The following DLGAP2 variants were observed in gnomAD, a reference collection of about 807,000 sequenced individuals.
DLGAP2 encodes the protein disks large-associated protein 2.
In DLGAP2, 26 loss-of-function variants were observed where a neutral mutation model predicts 100.3. The observed-to-expected ratio is 0.26, with a 90% CI of 0.19 to 0.36. The LOEUF (loss-of-function observed/expected upper bound fraction) is 0.36. DLGAP2 is among the 10% of genes least tolerant of loss of function. DLGAP2 has a pLI of 1.00. For synonymous variants in DLGAP2, 886 were observed against 630.1 expected, an observed-to-expected ratio of 1.41 and a Z score of -6.08; for missense variants, 1,858 against 1,453.2, an observed-to-expected ratio of 1.28 and a Z score of -4.53.
At chr8:1,676,483 C>A in intron 10 of DLGAP2, 50 bp from the exon 11 acceptor site, 1 of 1,562,316 alleles carries the variant, frequency 6.4e-7, no homozygotes, top group Non-Finnish European at 8.7e-7. Flanking sequence ...TAGTCCCTTG[C>A]CCAGGCCCCA....
At chr8:1,104,676 C>T (rs929130151) in intron 2 of DLGAP2, among the ~76,000 whole-genome samples, 4 of 152,098 alleles carry the variant, frequency 2.6e-5, no homozygotes, top group South Asian at 2.1e-4. Flanking sequence ...AAGAAGCTGT[C>T]GCTCCCTGGG....
chr8:806,049 G>A (rs1319744746), intron 1 of DLGAP2, among the ~76,000 whole-genome samples: 1 of 152,166 alleles, frequency 6.6e-6, no homozygotes, highest in Non-Finnish European at 1.5e-5. Flanking sequence ...TTTACAGAGA[G>A]TTTTTGCCAA....
chr8:899,154 C>T (rs1471164948), intron 1 of DLGAP2, among the ~76,000 whole-genome samples: 2 of 152,214 alleles, frequency 1.3e-5, no homozygotes, highest in African/African-American at 2.4e-5. Context: ...CGCCGCATCT[C>T]CAGCCCCTGG....
chr8:1,581,247 T>C (rs1213627534), intron 6 of DLGAP2, among the ~76,000 whole-genome samples: 2 of 146,524 alleles, frequency 1.4e-5, no homozygotes, highest in Non-Finnish European at 3.0e-5. Context: ...CCCGCACATA[T>C]ATGCACCACA....
chr8:1,484,523 A>G (rs1799188863), intron 3 of DLGAP2, among the ~76,000 whole-genome samples: 2 of 152,206 alleles, frequency 1.3e-5, no homozygotes, highest in Non-Finnish European at 2.9e-5. Context: ...TGTTTTGATC[A>G]CGACGGCTGA....
chr8:965,526 C>T (rs10093299), intron 2 of DLGAP2, among the ~76,000 whole-genome samples: 1,190 of 125,218 alleles, frequency 9.5e-3, no homozygotes, highest in Middle Eastern at 0.018. Context: ...CCCTGCGCTG[C>T]ACACGGCACT....
intron 4 of DLGAP2, among the ~76,000 whole-genome samples, chr8:1,542,185 A>G (rs987166097): frequency 1.3e-5 from 2 of 152,206 alleles, no homozygotes; most frequent in Non-Finnish European, 2.9e-5. Context: ...TCTATATTCA[A>G]TTTTGAGTTT....
intron 1 of DLGAP2, among the ~76,000 whole-genome samples, chr8:904,738 A>G (rs900308628): frequency 1.3e-5 from 2 of 152,122 alleles, no homozygotes; most frequent in Admixed American, 6.5e-5. Flanking sequence ...CGCTGAGTAT[A>G]TTTTGTGGCC....
At chr8:1,562,582 T>G in intron 5 of DLGAP2, among the ~76,000 whole-genome samples, 2 of 40,652 alleles carry the variant, frequency 4.9e-5, no homozygotes, top group African/African-American at 2.0e-4. Flanking sequence ...TGGTGGACTG[T>G]GTGGTGTTGG....
intron 3 of DLGAP2, among the ~76,000 whole-genome samples, chr8:1,478,789 G>A (rs572433381): frequency 5.3e-5 from 8 of 152,300 alleles, no homozygotes; most frequent in African/African-American, 1.7e-4. Flanking sequence ...TGGGAATGCC[G>A]GAAGGCTTGT....
intron 3 of DLGAP2, among the ~76,000 whole-genome samples, chr8:1,319,014 G>T (rs1800833756): frequency 6.6e-6 from 1 of 152,138 alleles, no homozygotes; most frequent in African/African-American, 2.4e-5. Context: ...TTTAGGTGGT[G>T]TATCAGTGCG....
At chr8:786,550 C>G (rs561348570) in intron 1 of DLGAP2, among the ~76,000 whole-genome samples, 80 of 152,290 alleles carry the variant, frequency 5.3e-4, no homozygotes, top group Admixed American at 1.5e-3. Flanking sequence ...TGCGCGGCCA[C>G]AGAGAGGTGA....
chr8:1,076,864 C>T (rs1253093455), intron 2 of DLGAP2, among the ~76,000 whole-genome samples: 1 of 147,922 alleles, frequency 6.8e-6, no homozygotes, highest in South Asian at 2.3e-4. Context: ...CTGTCCTGGG[C>T]CCCCCCAATA....
At chr8:1,201,942 G>A (rs1797884483) in intron 2 of DLGAP2, among the ~76,000 whole-genome samples, 1 of 146,376 alleles carries the variant, frequency 6.8e-6, no homozygotes, top group Non-Finnish European at 1.5e-5. Flanking sequence ...TGTGTGATGT[G>A]TGTATGTGTA....
chr8:1,414,550 G>A (rs1248544311), intron 3 of DLGAP2, among the ~76,000 whole-genome samples: 4 of 152,212 alleles, frequency 2.6e-5, no homozygotes, highest in African/African-American at 4.8e-5. Context: ...CGGGCTGTGG[G>A]TCCCAGTGCA....
At chr8:1,289,974 T>C (rs969122419) in intron 3 of DLGAP2, among the ~76,000 whole-genome samples, 1 of 152,154 alleles carries the variant, frequency 6.6e-6, no homozygotes, top group African/African-American at 2.4e-5. Context: ...GGATAAGATA[T>C]AGGCAGAAAG....
chr8:759,042 T>C (rs1820994429), intron 1 of DLGAP2, among the ~76,000 whole-genome samples: 1 of 149,346 alleles, frequency 6.7e-6, no homozygotes, highest in African/African-American at 2.4e-5. Flanking sequence ...CTTCCCATTA[T>C]CAATACCCCC....
At chr8:854,412 C>T (rs1797237969) in intron 1 of DLGAP2, among the ~76,000 whole-genome samples, 1 of 152,066 alleles carries the variant, frequency 6.6e-6, no homozygotes. Context: ...TACCTGAGAC[C>T]CTCACAGGCT....
chr8:981,172 A>G (rs1450826889), intron 2 of DLGAP2, among the ~76,000 whole-genome samples: 2 of 152,070 alleles, frequency 1.3e-5, no homozygotes, highest in African/African-American at 2.4e-5. Context: ...ATCATACGGC[A>G]TTTGTCCTTT....
Sources: gnomAD v4.1 joint callset for allele counts (sites outside exome capture counted in the v4.1 genomes callset) on GRCh38, gnomAD v4.1.1 for gene constraint, MANE v1.5 for transcripts, NCBI Gene and HGNC (gene_info 2026-07-23, HGNC 2026-07-21) for gene names.